The following CALCOCO2 variants were observed in gnomAD, a reference collection of about 807,000 sequenced individuals.
The protein encoded by CALCOCO2 is calcium binding and coiled-coil domain 2, also known as calcium-binding and coiled-coil domain-containing protein 2.
CALCOCO2 carries 42 observed loss-of-function variants against 62.5 expected under a neutral mutation model. The observed-to-expected ratio is 0.67, with a 90% CI of 0.53 to 0.87. The LOEUF (loss-of-function observed/expected upper bound fraction) is 0.87. CALCOCO2 is among the 40% of genes least tolerant of loss of function. The probability of loss-of-function intolerance (pLI) is 0.00; values close to 1 mark genes in which losing one functional copy is unlikely to be tolerated. For synonymous variants in CALCOCO2, 167 were observed against 173.0 expected, an observed-to-expected ratio of 0.97 and a Z score of 0.27; for missense variants, 456 against 515.0, an observed-to-expected ratio of 0.89 and a Z score of 1.11.
chr17:48,833,972 A>T (rs1232953634), intron 1 of CALCOCO2, among the ~76,000 whole-genome samples: 2 of 152,034 alleles, frequency 1.3e-5, no homozygotes, highest in Admixed American at 6.6e-5. Context: ...CTACAAAAAT[A>T]CAAAAATTAG....
chr17:48,833,040 A>C (rs1048763402), intron 1 of CALCOCO2, among the ~76,000 whole-genome samples: 1 of 152,190 alleles, frequency 6.6e-6, no homozygotes, highest in African/African-American at 2.4e-5. Context: ...TCTAGAATTA[A>C]CTTGGAAATT....
chr17:48,858,042 TAG>T (rs2040259392), intron 10 of CALCOCO2, among the ~76,000 whole-genome samples: 1 of 9,366 alleles, frequency 1.1e-4, no homozygotes, highest in Non-Finnish European at 3.4e-4. Flanking sequence ...TAGAATAGAA[TAG>T]AAAATAGAAT....
At chr17:48,843,735 T>C (rs2040006331) in intron 2 of CALCOCO2, among the ~76,000 whole-genome samples, 2 of 152,254 alleles carry the variant, frequency 1.3e-5, no homozygotes, top group Non-Finnish European at 1.5e-5. Context: ...CTTCCTCATA[T>C]GTAGCAAAGC....
chr17:48,858,080 C>A (rs1216468663), intron 10 of CALCOCO2, among the ~76,000 whole-genome samples: 4 of 77,002 alleles, frequency 5.2e-5, no homozygotes, highest in Non-Finnish European at 6.8e-5. Context: ...AGAATTTTAC[C>A]ATCTTAATAA....
intron 3 of CALCOCO2, 51 bp from the exon 4 acceptor site, chr17:48,848,271 A>G (rs1480745927): frequency 1.3e-6 from 2 of 1,590,660 alleles, no homozygotes; most frequent in East Asian, 2.2e-5. Context: ...CCAGAATTTT[A>G]CTTTTCTGAA....
At chr17:48,849,594 C>G (rs1292047739) in intron 5 of CALCOCO2, among the ~76,000 whole-genome samples, 1 of 152,130 alleles carries the variant, frequency 6.6e-6, no homozygotes, top group African/African-American at 2.4e-5. Context: ...CAACCCCCAT[C>G]TCCCAGGTTC....
chr17:48,853,050 T>A, intron 9 of CALCOCO2, 38 bp downstream of exon 9: 2 of 1,368,776 alleles, frequency 1.5e-6, no homozygotes, highest in Non-Finnish European at 2.1e-6. Context: ...GGAGGGAGCC[T>A]ATAGGGATGT....
At chr17:48,852,113 G>A (rs1280170056) in intron 7 of CALCOCO2, among the ~76,000 whole-genome samples, 1 of 151,226 alleles carries the variant, frequency 6.6e-6, no homozygotes, top group Non-Finnish European at 1.5e-5. Context: ...ACTCCAGCCT[G>A]GGTGACAGAG....
chr17:48,838,293 C>A (rs1273040668), intron 1 of CALCOCO2, among the ~76,000 whole-genome samples: 4 of 152,070 alleles, frequency 2.6e-5, no homozygotes, highest in Admixed American at 1.3e-4. Context: ...GATAACATAA[C>A]CAATTAGGTC....
intron 11 of CALCOCO2, among the ~76,000 whole-genome samples, chr17:48,861,133 C>T (rs560615694): frequency 1.1e-4 from 17 of 152,138 alleles, no homozygotes; most frequent in African/African-American, 3.1e-4. Context: ...TGTGGGAGGC[C>T]GAGGCGGGCA....
chr17:48,852,511 G>A lies in CALCOCO2; in HGVS notation c.708G>A (p.Gln236=), dbSNP rs1170032801. ...MGIRVDQLQA[Q]LSTQEKEMEK... is the part of the protein sequence containing the mutation. ...GTTCACTATTTTTGTTTTAGGCCCA[G>A]CTGTCAACTCAAGAGAAAGAAATGG... Residue 236 remains glutamine, a synonymous_variant, in exon 8 of 13, where the codon CAG becomes CAA. Coordinates refer to ENST00000258947, the MANE Select transcript of CALCOCO2 (RefSeq NM_005831.5). 6.2e-7 allele frequency: 1 copy of A among 1,612,862 alleles called. No homozygotes were observed. Among genetic ancestry groups the A allele is most frequent in the Admixed American group, 1.7e-5 (1 of 59,828 alleles).
intron 10 of CALCOCO2, among the ~76,000 whole-genome samples, chr17:48,858,420 C>T (rs2040275895): frequency 1.3e-5 from 2 of 152,088 alleles, no homozygotes; most frequent in South Asian, 4.1e-4. Flanking sequence ...ACCTCCACCT[C>T]CCAGATTCAA....
chr17:48,859,045 CAAAAAAAAAA>C (rs61643790), intron 10 of CALCOCO2, among the ~76,000 whole-genome samples: 10 of 35,624 alleles, frequency 2.8e-4, no homozygotes, highest in Non-Finnish European at 4.2e-4. Flanking sequence ...GACTCTGTCT[CAAAAAAAAAA>C]AAAAAAAAAA....
In CALCOCO2 at chr17:48,841,729, C is replaced by A; in HGVS notation, c.22C>A (p.Pro8Thr). The A allele has an allele frequency of 6.2e-7, 1 of 1,611,714 alleles. No homozygotes were observed. Residue 8 changes from proline (P) to threonine (T), a missense_variant, in exon 2 of 13, where the codon CCC (proline) becomes ACC (threonine). By Grantham distance (38) the Pro-to-Thr change is conservative. This residue lies in a region of CALCOCO2 where 48 missense variants were observed against 79.3 expected (regional missense o/e 0.61). Coordinates refer to ENST00000258947, the MANE Select transcript of CALCOCO2 (RefSeq NM_005831.5). MEETIKD[P>T]PTSAVLLDHC... Reference sequence around the variant, plus strand: ...TACCATGGAGGAGACCATCAAAGATCCCCCCACATCAGCTGTCTTGCTGGA... The same window carrying A: ...TACCATGGAGGAGACCATCAAAGATACCCCCACATCAGCTGTCTTGCTGGA...
At chr17:48,841,443 T>C in intron 1 of CALCOCO2, 1 of 317,888 alleles carries the variant, frequency 3.1e-6, no homozygotes, top group Non-Finnish European at 5.8e-6. Flanking sequence ...GCTATAAGCC[T>C]CTGTTCATGT....
At chr17:48,842,055 G>A in intron 2 of CALCOCO2, 168 bp downstream of exon 2, 1 of 403,298 alleles carries the variant, frequency 2.5e-6, no homozygotes. Flanking sequence ...AATGTGTGCT[G>A]TGGGACTCAA....
Position 48,854,405 on chromosome 17 carries a change from T to A in CALCOCO2, c.912+1393T>A, listed in dbSNP as rs1459290598. Among the ~76,000 whole-genome samples the A allele has an allele frequency of 2.3e-3, 68 of 29,638 alleles. 5 individuals carry two copies. The East Asian group carries it at 0.036, about 16-fold the overall frequency. The allele number at this position is 29,638 out of a possible 152,430, so 19.4% of individuals were successfully genotyped here. A position where few individuals can be genotyped will look rare whatever the true frequency, so the allele number is the denominator to read the frequency against. On this transcript the variant is annotated intron_variant, in intron 9 of 12. Coordinates refer to ENST00000258947, the MANE Select transcript of CALCOCO2 (RefSeq NM_005831.5). The stretch of plus-strand genomic sequence containing the variant: ...ATTTATATATATATATATTTTTTTT[T>A]TTTTTTTTTTTTTTTTTTTTGAGAC...
chr17:48,851,585 C>A lies in CALCOCO2; in HGVS notation c.659C>A (p.Ser220Tyr), dbSNP rs1261146372. Reference protein sequence around the residue: ...LQLKEQNQKMSSENEKMGIRV... With the variant: ...LQLKEQNQKMYSENEKMGIRV... ...CTGAAAGAACAAAACCAGAAGATGT[C>A]CTCAGAAAATGAGAAGATGGGAATC... The change falls in exon 7 of 13, where the codon TCC (serine) becomes TAC (tyrosine). Residue 220 changes from serine (S) to tyrosine (Y), a missense_variant. Physicochemically the swap from Ser to Tyr is moderately radical, Grantham distance 144 (BLOSUM62 -2). Coordinates refer to ENST00000258947, the MANE Select transcript of CALCOCO2 (RefSeq NM_005831.5). The A allele has an allele frequency of 6.2e-7, 1 of 1,603,008 alleles. No homozygotes were observed.
At position 48,863,716 on chromosome 17, in the gene CALCOCO2, G is replaced by A. The variant is rs931598024; in HGVS notation, c.*711G>A. 1 of 152,284 alleles carries A rather than the reference G, an allele frequency of 6.6e-6. No homozygotes were observed. The highest frequency in any genetic ancestry group is 6.5e-5 in the Admixed American group (1 of 15,276). The allele number at this position is 152,284 out of a possible 1,614,324, so 9.4% of individuals were successfully genotyped here. On this transcript the variant is annotated 3_prime_UTR_variant, in exon 13 of 13. Transcript: ENST00000258947. The stretch of plus-strand genomic sequence containing the variant: ...AAATCCTTTCTTAATGGTTAAATAG[G>A]ATTGTTAGCAACTATGGGTTTGCAG...
Sources: gnomAD v4.1 joint callset for allele counts (sites outside exome capture counted in the v4.1 genomes callset) on GRCh38, gnomAD v4.1.1 for gene constraint, gnomAD v4.1.1 regional missense constraint, MANE v1.5 for transcripts, NCBI Gene and HGNC (gene_info 2026-07-23, HGNC 2026-07-21) for gene names.